The following ARHGAP39 variants were observed in gnomAD, a reference collection of about 807,000 sequenced individuals.
The protein encoded by ARHGAP39 is Rho GTPase activating protein 39.
A neutral mutation model predicts 106.9 loss-of-function variants in ARHGAP39; 44 were observed. That is an observed-to-expected ratio of 0.41 (90% CI 0.32 to 0.53). The LOEUF is 0.53. Among genes scored for constraint, ARHGAP39 ranks in the 20% least tolerant of loss-of-function variants. The pLI, the probability that ARHGAP39 is intolerant of heterozygous loss-of-function variation, is 0.21. For synonymous variants in ARHGAP39, 768 were observed against 693.2 expected (o/e 1.11, Z -1.69); for missense variants, 1,496 against 1,577.3 (o/e 0.95, Z 0.87).
chr8:144,588,048 A>G (rs1231279060), intron 2 of ARHGAP39, among the ~76,000 whole-genome samples: 1 of 152,226 alleles, frequency 6.6e-6, no homozygotes, highest in African/African-American at 2.4e-5. Flanking sequence ...GAAAACCAGC[A>G]AGGGTGATGG....
chr8:144,544,438 A>T (rs1817319201), intron 6 of ARHGAP39, among the ~76,000 whole-genome samples: 2 of 152,234 alleles, frequency 1.3e-5, no homozygotes, highest in South Asian at 4.1e-4. Flanking sequence ...CTGCCACAGA[A>T]CAGTCTATGG....
At chr8:144,650,555 C>T (rs1472534269) in intron 1 of ARHGAP39, among the ~76,000 whole-genome samples, 1 of 152,150 alleles carries the variant, frequency 6.6e-6, no homozygotes, top group African/African-American at 2.4e-5. Flanking sequence ...AACTAATCCA[C>T]CACAATCAAG....
chr8:144,588,576 G>T (rs1239369161), intron 2 of ARHGAP39, among the ~76,000 whole-genome samples: 1 of 152,226 alleles, frequency 6.6e-6, no homozygotes, highest in Non-Finnish European at 1.5e-5. Flanking sequence ...CGGGGCTCTC[G>T]CCAAGCCATC....
chr8:144,685,449 C>T (rs1473084807), intron 1 of ARHGAP39, among the ~76,000 whole-genome samples: 1 of 149,882 alleles, frequency 6.7e-6, no homozygotes, highest in African/African-American at 2.4e-5. Context: ...CGCGCGGCCT[C>T]GGCCCCTCGA....
At chr8:144,630,301 A>G (rs553435265) in intron 1 of ARHGAP39, among the ~76,000 whole-genome samples, 1 of 152,330 alleles carries the variant, frequency 6.6e-6, no homozygotes, top group East Asian at 1.9e-4. Flanking sequence ...TTTTGAAACC[A>G]TGCCTGTCTG....
Position 144,547,821 on chromosome 8 carries a change from G to A in ARHGAP39, c.1265C>T (p.Pro422Leu), listed in dbSNP as rs1188058210. The A allele has an allele frequency of 2.5e-6, 4 of 1,591,836 alleles. No homozygotes were observed. The highest frequency in any genetic ancestry group is 3.4e-6 in the Non-Finnish European group (4 of 1,171,382). Residue 422 changes from proline (P) to leucine (L), a missense_variant, in exon 5 of 12, where the codon CCC (proline) becomes CTC (leucine). This residue lies in a region of ARHGAP39 where 905 missense variants were observed against 816.4 expected (regional missense o/e 1.11). Transcript: ENST00000377307. The surrounding 1 kb of genome is among the most constrained non-coding windows in gnomAD (Gnocchi z 5.2). The stretch of plus-strand genomic sequence containing the variant: ...CTGCAAGGAGTACGAACCACCGCCG[G>A]GGTTGGGCGCGTACTTGTGCCGCGG... Reference protein sequence around the residue: ...AGPRHKYAPNPGGGSYSLQPS... With the variant: ...AGPRHKYAPNLGGGSYSLQPS...
chr8:144,565,253 G>T (rs1173192410), intron 3 of ARHGAP39, among the ~76,000 whole-genome samples: 1 of 152,172 alleles, frequency 6.6e-6, no homozygotes, highest in African/African-American at 2.4e-5. Context: ...ACTCCAGCCT[G>T]GGCAACGGCA....
upstream of ARHGAP39, among the ~76,000 whole-genome samples, chr8:144,690,114 T>C (rs939835846): frequency 6.6e-6 from 1 of 151,822 alleles, no homozygotes; most frequent in Non-Finnish European, 1.5e-5. Flanking sequence ...GTTATTTATT[T>C]ATTTTTAAGA....
rs142598986 is a variant in ARHGAP39, at chr8:144,681,697, A to G, written c.-82+3989T>C. Reference sequence around the variant, plus strand: ...GCCCATCCCAGCAGAGAGGTAGGAGACAAAACTGGGATGGGCATTTAAAAA... The same window carrying G: ...GCCCATCCCAGCAGAGAGGTAGGAGGCAAAACTGGGATGGGCATTTAAAAA... On this transcript the variant is annotated intron_variant, in intron 1 of 11. Transcript: ENST00000377307. 1.7e-4 allele frequency among the ~76,000 whole-genome samples: 26 copies of G among 152,312 alleles called. No individual in the cohort carries two copies. In the East Asian group the frequency reaches 4.6e-3, roughly 27 times the overall value.
At chr8:144,635,318 T>A (rs1024808159) in intron 1 of ARHGAP39, among the ~76,000 whole-genome samples, 2 of 152,150 alleles carry the variant, frequency 1.3e-5, no homozygotes, top group African/African-American at 4.8e-5. Context: ...ATCATGCCTA[T>A]GTAATGACGC....
Position 144,646,043 on chromosome 8 carries a change from T to C in ARHGAP39, c.-82+39643A>G, listed in dbSNP as rs1821435164. 6.6e-6 allele frequency among the ~76,000 whole-genome samples: 1 copy of C among 152,212 alleles called. No individual in the cohort carries two copies. On this transcript the variant is annotated intron_variant, in intron 1 of 11. Coordinates refer to ENST00000377307, the MANE Select transcript of ARHGAP39 (RefSeq NM_025251.3). The surrounding 1 kb of genome is among the most constrained non-coding windows in gnomAD (Gnocchi z 5.7). ...TAACCACATTGAACACACCACCACCTGACCAGCAACCACCTGCTGGGCGTC... is the reference window on the plus strand; with the variant it reads ...TAACCACATTGAACACACCACCACCCGACCAGCAACCACCTGCTGGGCGTC...
chr8:144,600,292 G>C (rs1266130043), intron 2 of ARHGAP39, among the ~76,000 whole-genome samples: 4 of 150,072 alleles, frequency 2.7e-5, no homozygotes, highest in Non-Finnish European at 5.9e-5. Context: ...GTACCCACCT[G>C]CGTGTGCGTG....
intron 3 of ARHGAP39, among the ~76,000 whole-genome samples, chr8:144,573,961 C>A (rs1818674467): frequency 6.6e-6 from 1 of 150,686 alleles, no homozygotes; most frequent in Non-Finnish European, 1.5e-5. Flanking sequence ...TCACTTGAGA[C>A]CAAGAGTTTG....
intron 1 of ARHGAP39, among the ~76,000 whole-genome samples, chr8:144,639,269 T>TG: frequency 6.9e-6 from 1 of 145,870 alleles, no homozygotes; most frequent in East Asian, 2.0e-4. Context: ...GAGGTTGCAG[T>TG]GAGCTGAGAT....
intron 1 of ARHGAP39, among the ~76,000 whole-genome samples, chr8:144,683,732 C>T (rs1192205325): frequency 1.3e-5 from 2 of 152,104 alleles, no homozygotes; most frequent in Non-Finnish European, 2.9e-5. Context: ...CCTTTATAAA[C>T]ATGTGTTCAT....
chr8:144,593,969 G>C (rs555685671), intron 2 of ARHGAP39, among the ~76,000 whole-genome samples: 1 of 151,412 alleles, frequency 6.6e-6, no homozygotes, highest in Non-Finnish European at 1.5e-5. Flanking sequence ...CATGCCCGTA[G>C]TCCCAGCTAC....
chr8:144,665,211 G>T (rs761476289), intron 1 of ARHGAP39, among the ~76,000 whole-genome samples: 15 of 152,198 alleles, frequency 9.9e-5, no homozygotes, highest in Non-Finnish European at 2.1e-4. Flanking sequence ...AGACGACTTA[G>T]GGTATCTGGC....
intron 6 of ARHGAP39, 141 bp from the exon 7 acceptor site, chr8:144,537,954 G>T: frequency 7.1e-6 from 5 of 702,958 alleles, no homozygotes; most frequent in South Asian, 3.5e-5. Flanking sequence ...GAGCGTTTCT[G>T]GGGGGACGTG....
chr8:144,687,143 C>T (rs556546144), upstream of ARHGAP39, among the ~76,000 whole-genome samples: 10 of 1,296 alleles, frequency 7.7e-3, 2 homozygotes, highest in Non-Finnish European at 0.012. Flanking sequence ...GCACTGGCGG[C>T]GAGCATTTCC....
Sources: allele counts gnomAD v4.1 joint callset (sites outside exome capture counted in the v4.1 genomes callset), GRCh38; gene constraint gnomAD v4.1.1; regional missense constraint gnomAD v4.1.1; non-coding constraint Gnocchi (gnomAD v3.1); transcripts MANE v1.5; gene names NCBI Gene and HGNC (gene_info 2026-07-23, HGNC 2026-07-21).